The following SYNM variants were observed in gnomAD, a reference collection of about 807,000 sequenced individuals.
SYNM encodes desmuslin.
SYNM carries 95 observed loss-of-function variants against 104.0 expected under a neutral mutation model. The observed-to-expected ratio is 0.91, with a 90% CI of 0.77 to 1.08. The LOEUF (loss-of-function observed/expected upper bound fraction) is 1.08, where lower values mean the gene tolerates loss of function less well. Ranked by LOEUF, SYNM falls within the 50% of genes least tolerant of loss-of-function variation. The pLI is 0.00. For missense variants in SYNM, 2,150 were observed against 2,052.2 expected (o/e 1.05, Z -0.92); for synonymous variants, 918 against 869.0 (o/e 1.06, Z -0.99).
Position 99,131,013 on chromosome 15 carries a change from G to A in SYNM, c.2653G>A (p.Glu885Lys), listed in dbSNP as rs782617072. 3 of 1,613,016 alleles carry A rather than the reference G, an allele frequency of 1.9e-6. 1 individual carries two copies. The highest frequency in any genetic ancestry group is 1.6e-4 in the Middle Eastern group (1 of 6,062). ...GACACAGAAGGACGGTGCAGTGGGC[G>A]AGAAGGTTGTGAAGCCCTTGGATGT... ...RRTQKDGAVG[E>K]KVVKPLDVPA... Residue 885 changes from glutamate (E) to lysine (K), a missense_variant, in exon 4 of 4, where the codon GAG (glutamate) becomes AAG (lysine). By Grantham distance (56) the Glu-to-Lys change is moderately conservative. Coordinates refer to ENST00000336292, the MANE Select transcript of SYNM (RefSeq NM_145728.3). This position sits in a 1 kb window ranked among gnomAD's most constrained non-coding sequence, Gnocchi z 4.3.
intron 3 of SYNM, among the ~76,000 whole-genome samples, chr15:99,128,372 A>G (rs2067466649): frequency 1.3e-5 from 2 of 152,220 alleles, no homozygotes; most frequent in Non-Finnish European, 2.9e-5. Flanking sequence ...TGGTCCCTGC[A>G]CTATTGCCTG....
intron 2 of SYNM, among the ~76,000 whole-genome samples, chr15:99,119,070 T>C (rs1458812836): frequency 2.0e-5 from 3 of 152,098 alleles, no homozygotes; most frequent in Non-Finnish European, 1.5e-5. Context: ...GATCACAGGG[T>C]CTTGCCTGGA....
chr15:99,113,580 A>T lies in SYNM; in HGVS notation c.811-11A>T, dbSNP rs782677522. The T allele has an allele frequency of 3.7e-6, 6 of 1,612,972 alleles. No homozygotes were observed. In the Admixed American group the frequency reaches 1.0e-4, roughly 27 times the overall value. The stretch of plus-strand genomic sequence containing the variant: ...AGTTCTCTGATATAAAAGTCTGTCT[A>T]TTCTCTTTAGAGAGTGATTGACTGC... On this transcript the variant is annotated splice_polypyrimidine_tract_variant and intron_variant, in intron 1 of 3. Coordinates refer to ENST00000336292, the MANE Select transcript of SYNM (RefSeq NM_145728.3).
Position 99,129,786 on chromosome 15 carries a change from C to A in SYNM, c.1426C>A (p.Arg476=). Residue 476 remains arginine (R), a synonymous_variant, in exon 4 of 4, where the codon CGA becomes AGA. Transcript: ENST00000336292. ...TIARESYRDR[R]DKVAAGASES... Reference sequence around the variant, plus strand: ...TGCCCGCGAGTCGTACCGGGATCGCCGAGACAAGGTGGCAGCAGGTGCTTC... The same window carrying A: ...TGCCCGCGAGTCGTACCGGGATCGCAGAGACAAGGTGGCAGCAGGTGCTTC... 6.2e-7 allele frequency: 1 copy of A among 1,613,314 alleles called. No homozygotes were observed. The highest frequency in any genetic ancestry group is 1.1e-5 in the South Asian group (1 of 91,052).
At chr15:99,139,281 A>G (rs1555488782), downstream of SYNM, 3 of 1,587,994 alleles carry the variant, frequency 1.9e-6, no homozygotes, top group East Asian at 6.7e-5. Context: ...ATGGAAAGGG[A>G]ATGAGATAGA....
chr15:99,135,554 A>G lies in SYNM; in HGVS notation c.*2496A>G, dbSNP rs988986330. On this transcript the variant is annotated 3_prime_UTR_variant, in exon 4 of 4. Coordinates refer to ENST00000336292, the MANE Select transcript of SYNM (RefSeq NM_145728.3). ...CCTGTTCCCTACAATGGGAAATGTC[A>G]CAAGAATGTGCAAAAATAAAAATCT... 6.5e-6 allele frequency: 1 copy of G among 152,686 alleles called. No individual in the cohort carries two copies. Among genetic ancestry groups the G allele is most frequent in the Non-Finnish European group, 1.5e-5 (1 of 68,046 alleles). The allele number at this position is 152,686 out of a possible 1,614,324, so 9.5% of individuals were successfully genotyped here. A position where few individuals can be genotyped will look rare whatever the true frequency, so the allele number is the denominator to read the frequency against.
intron 2 of SYNM, among the ~76,000 whole-genome samples, chr15:99,120,718 A>G (rs79225047): frequency 0.012 from 1,787 of 152,288 alleles, 30 homozygotes; most frequent in African/African-American, 0.041. Flanking sequence ...CTCCAGCACG[A>G]GGCTTCTGGT....
chr15:99,132,835 ACGC>A lies in SYNM; in HGVS notation c.4476_4478del (p.Asp1492_Ala1493delinsGlu). ...GTGTCTGACCGTGGTTCCTGGAGAGACGCGGACAGTAGGAATGACCAGGCAGTT... is the reference window on the plus strand; with the variant it reads ...GTGTCTGACCGTGGTTCCTGGAGAGAGGACAGTAGGAATGACCAGGCAGTT... On this transcript the variant is annotated inframe_deletion, in exon 4 of 4. Transcript: ENST00000336292. 1 of 1,613,870 alleles carries A rather than the reference ACGC, an allele frequency of 6.2e-7. No homozygotes were observed. The highest frequency in any genetic ancestry group is 8.5e-7 in the Non-Finnish European group (1 of 1,179,878).
rs1386384269 is a variant in SYNM at position 99,116,548 on chromosome 15, G to A, written c.935+2833G>A. Among the ~76,000 whole-genome samples the A allele has an allele frequency of 6.9e-5, 10 of 144,242 alleles. 2 individuals carry two copies. Among genetic ancestry groups the A allele is most frequent in the African/African-American group, 2.5e-4 (10 of 40,394 alleles). The allele number at this position is 144,242 out of a possible 152,430, so 94.6% of individuals were successfully genotyped here. On this transcript the variant is annotated intron_variant, in intron 2 of 3. Transcript: ENST00000336292. ...CAGTTGTGCAGGCTGTACCGGAATC[G>A]TGGTGCTGGCATCTGCTCCTGGTGA... is the stretch of plus-strand genomic sequence containing the variant.
chr15:99,124,076 G>A (rs1555484822), intron 2 of SYNM, among the ~76,000 whole-genome samples: 1 of 152,246 alleles, frequency 6.6e-6, no homozygotes, highest in African/African-American at 2.4e-5. Flanking sequence ...AACCTGTGGA[G>A]CTGTGTGAAA....
chr15:99,122,901 C>T (rs1031461190), intron 2 of SYNM, among the ~76,000 whole-genome samples: 1 of 152,100 alleles, frequency 6.6e-6, no homozygotes, highest in African/African-American at 2.4e-5. Context: ...GGTTGCTGGT[C>T]AAATAAATGA....
At chr15:99,113,371 T>A (rs1703784) in intron 1 of SYNM, among the ~76,000 whole-genome samples, 29,778 of 152,192 alleles carry the variant, frequency 0.2, 3,437 homozygotes, top group African/African-American at 0.33. Context: ...GCCAGTGTCC[T>A]ATCAAAATGT....
Position 99,126,742 on chromosome 15 carries a change from G to A in SYNM, c.956G>A (p.Ser319Asn), listed in dbSNP as rs1555485057. ...ATYRALLEGE[S>N]NPEIVIWAEH... ...TACAGGGCCTTATTGGAAGGAGAAAGTAATCCAGAGATAGTGATCTGGGCT... is the reference window on the plus strand; with the variant it reads ...TACAGGGCCTTATTGGAAGGAGAAAATAATCCAGAGATAGTGATCTGGGCT... The change falls in exon 3 of 4, where the codon AGT becomes AAT. Residue 319 changes from serine to asparagine, a missense_variant. Transcript: ENST00000336292. 6.3e-7 allele frequency: 1 copy of A among 1,580,890 alleles called. No homozygotes were observed. Among genetic ancestry groups the A allele is most frequent in the Admixed American group, 1.8e-5 (1 of 55,262 alleles).
At chr15:99,112,705 T>G (rs1414915507) in intron 1 of SYNM, among the ~76,000 whole-genome samples, 1 of 152,146 alleles carries the variant, frequency 6.6e-6, no homozygotes, top group Non-Finnish European at 1.5e-5. Flanking sequence ...TAAAGCAGTT[T>G]TATTTATTTT....
At position 99,130,443 on chromosome 15, in the gene SYNM, G is replaced by C. The variant is rs369328643; in HGVS notation, c.2083G>C (p.Asp695His). The C allele has an allele frequency of 1.9e-6, 3 of 1,613,750 alleles. No individual in the cohort carries two copies. The African/African-American group carries it at 4.0e-5, about 22-fold the overall frequency. ...AGTTGTGGAGTCTAAACTGACTGAG[G>C]ATGTTGATGTTTCCGATGAAGCTGG... ...EIVVESKLTE[D>H]VDVSDEAGLD... Residue 695 changes from aspartate (D) to histidine (H), a missense_variant, in exon 4 of 4, where the codon GAT becomes CAT. Asp to His is a moderately conservative substitution (Grantham distance 81). Coordinates refer to ENST00000336292, the MANE Select transcript of SYNM (RefSeq NM_145728.3).
chr15:99,126,398 A>G (rs1555485020), intron 2 of SYNM, among the ~76,000 whole-genome samples: 1 of 152,212 alleles, frequency 6.6e-6, no homozygotes, highest in Non-Finnish European at 1.5e-5. Flanking sequence ...GGACTGAGAA[A>G]GCTTTCTAGA....
chr15:99,123,969 C>T (rs8029732), intron 2 of SYNM, among the ~76,000 whole-genome samples: 41,235 of 152,272 alleles, frequency 0.27, 6,193 homozygotes, highest in Middle Eastern at 0.37. Flanking sequence ...ACATGACAGC[C>T]GGCTTCTGCA....
intron 1 of SYNM, among the ~76,000 whole-genome samples, chr15:99,107,742 C>G (rs998977790): frequency 6.6e-6 from 1 of 152,152 alleles, no homozygotes; most frequent in African/African-American, 2.4e-5. Flanking sequence ...GAATCCTGTG[C>G]AGCCCTCCTT....
chr15:99,121,843 CA>C (rs1881254603), intron 2 of SYNM, among the ~76,000 whole-genome samples: 2 of 152,176 alleles, frequency 1.3e-5, no homozygotes, highest in Admixed American at 6.5e-5. Flanking sequence ...GATGCAGAAA[CA>C]GTGTGCGTGA....
Sources: gnomAD v4.1 joint callset for allele counts (sites outside exome capture counted in the v4.1 genomes callset) on GRCh38, gnomAD v4.1.1 for gene constraint, Gnocchi (gnomAD v3.1) non-coding constraint, MANE v1.5 for transcripts, NCBI Gene and HGNC (gene_info 2026-07-23, HGNC 2026-07-21) for gene names.